The following YBEY variants were observed in gnomAD, a reference collection of about 807,000 sequenced individuals.
YBEY encodes endoribonuclease YbeY.
A neutral mutation model predicts 13.5 loss-of-function variants in YBEY; 15 were observed. The observed-to-expected ratio is 1.11, with a 90% CI of 0.75 to 1.72. YBEY has a LOEUF of 1.72. Ranked by LOEUF, YBEY falls within the 40% of genes most tolerant of loss-of-function variation. YBEY has a pLI of 0.00. For synonymous variants in YBEY, 101 were observed against 83.1 expected (o/e 1.21, Z -1.17); for missense variants, 244 against 208.4 (o/e 1.17, Z -1.05).
downstream of YBEY, chr21:46,302,038 G>A: frequency 6.5e-7 from 1 of 1,528,268 alleles, no homozygotes; most frequent in South Asian, 1.2e-5. Flanking sequence ...GGGCGGGCTG[G>A]AGGACAGTGG....
downstream of YBEY, among the ~76,000 whole-genome samples, chr21:46,298,921 T>G (rs2082039552): frequency 6.6e-6 from 1 of 151,822 alleles, no homozygotes. Flanking sequence ...AGGGTTTCGC[T>G]GTGTTGACCA....
downstream of YBEY, among the ~76,000 whole-genome samples, chr21:46,299,047 CTT>C (rs58361649): frequency 0.029 from 3,193 of 108,802 alleles, 83 homozygotes; most frequent in African/African-American, 0.08. Context: ...TTCTTTCTTT[CTT>C]TTTTTTTTTT....
chr21:46,292,569 T>A (rs1339374674), intron 3 of YBEY, among the ~76,000 whole-genome samples: 4 of 138,822 alleles, frequency 2.9e-5, no homozygotes, highest in African/African-American at 7.8e-5. Context: ...AGTTAAACTC[T>A]AGATTAAATT....
At chr21:46,301,314 T>A (rs11089057), downstream of YBEY, 62,266 of 324,426 alleles carry the variant, frequency 0.19, 6,392 homozygotes, top group Middle Eastern at 0.27. Context: ...GCTAGTTTTT[T>A]AAATTTATTT....
intron 2 of YBEY, among the ~76,000 whole-genome samples, chr21:46,291,018 G>GA (rs528025616): frequency 0.39 from 51,855 of 133,332 alleles, 10,711 homozygotes; most frequent in Admixed American, 0.45. Context: ...CTCTGTCTCA[G>GA]GAAAAAAAAA....
At chr21:46,294,848 G>T (rs183604677) in intron 3 of YBEY, among the ~76,000 whole-genome samples, 1 of 152,330 alleles carries the variant, frequency 6.6e-6, no homozygotes, top group East Asian at 1.9e-4. Flanking sequence ...GCACAGCCAT[G>T]CCCTGAATCG....
chr21:46,302,583 GGAA>G, downstream of YBEY: 1 of 1,606,136 alleles, frequency 6.2e-7, no homozygotes. Flanking sequence ...ATGTCTGCAG[GGAA>G]GAAGCAGGGG....
chr21:46,311,384 G>T, the YBEY span: 1 of 881,988 alleles, frequency 1.1e-6, no homozygotes, highest in Non-Finnish European at 1.7e-6. Flanking sequence ...TGACTGTCCT[G>T]CTTCCAGGAA....
intron 2 of YBEY, among the ~76,000 whole-genome samples, chr21:46,288,452 T>G (rs2081556925): frequency 1.3e-5 from 2 of 150,676 alleles, no homozygotes. Context: ...CCGAGGTGGG[T>G]GGATCACGAT....
the YBEY span, chr21:46,313,197 C>A: frequency 4.0e-6 from 1 of 251,632 alleles, no homozygotes; most frequent in Non-Finnish European, 6.3e-6. Flanking sequence ...GGGCCTGGCC[C>A]AATAAAACTT....
chr21:46,299,482 G>C (rs1054938375), downstream of YBEY, among the ~76,000 whole-genome samples: 1 of 152,132 alleles, frequency 6.6e-6, no homozygotes, highest in African/African-American at 2.4e-5. Context: ...TTGCAAGCCA[G>C]AGTGTCGTCA....
downstream of YBEY, chr21:46,300,870 A>T (rs1377618101): frequency 9.1e-7 from 1 of 1,096,588 alleles, no homozygotes; most frequent in Non-Finnish European, 1.2e-6. Flanking sequence ...AAAGAAACAT[A>T]ATTGCACCCA....
At chr21:46,291,657 G>C in intron 3 of YBEY, 195 bp downstream of exon 3, 2 of 1,371,176 alleles carry the variant, frequency 1.5e-6, no homozygotes, top group African/African-American at 3.0e-5. Flanking sequence ...TTGAAGGAGG[G>C]AGAGAACACG....
chr21:46,297,267 T>TC (rs1172677381), intron 4 of YBEY, among the ~76,000 whole-genome samples: 10 of 120,620 alleles, frequency 8.3e-5, no homozygotes, highest in Non-Finnish European at 1.6e-4. Flanking sequence ...TCCTCCCCCT[T>TC]CCCTTCCCAC....
the YBEY span, among the ~76,000 whole-genome samples, chr21:46,302,961 T>C: frequency 0.012 from 1,106 of 94,734 alleles, 1 homozygote; most frequent in Middle Eastern, 0.071. Context: ...AGCCCGTCTG[T>C]ACACGGTGCG....
Position 46,292,464 on chromosome 21 carries a change from T to A in YBEY, c.339+1002T>A, listed in dbSNP as rs1016575273. On this transcript the variant is annotated intron_variant, in intron 3 of 4. Coordinates refer to ENST00000397701, the MANE Select transcript of YBEY (RefSeq NM_001314025.2). ...GGAGGGGATTCGTTTTAGGGAGGGA[T>A]GATTACTATTCTTGATTTAAAGTTA... 8.9e-4 allele frequency among the ~76,000 whole-genome samples: 135 copies of A among 152,342 alleles called. 1 individual carries two copies. Among genetic ancestry groups the A allele is most frequent in the Non-Finnish European group, 5.1e-4 (35 of 68,042 alleles).
At chr21:46,310,445 C>T in the YBEY span, among the ~76,000 whole-genome samples, 4 of 149,998 alleles carry the variant, frequency 2.7e-5, no homozygotes, top group Non-Finnish European at 5.9e-5. Flanking sequence ...CGCCATTGCA[C>T]TCCTATCTGT....
At chr21:46,301,907 C>T, downstream of YBEY, 1 of 1,377,134 alleles carries the variant, frequency 7.3e-7, no homozygotes, top group Non-Finnish European at 9.4e-7. Context: ...CAGGGTCTCT[C>T]CCTGCTCCCT....
At chr21:46,302,955 C>T in the YBEY span, among the ~76,000 whole-genome samples, 621 of 147,282 alleles carry the variant, frequency 4.2e-3, 3 homozygotes, top group Non-Finnish European at 6.4e-3. Context: ...GCCCTGAGCC[C>T]GTCTGTACAC....
Sources: gnomAD v4.1 joint callset for allele counts (sites outside exome capture counted in the v4.1 genomes callset) on GRCh38, gnomAD v4.1.1 for gene constraint, MANE v1.5 for transcripts, NCBI Gene and HGNC (gene_info 2026-07-23, HGNC 2026-07-21) for gene names.